WTIP: variants seen among roughly 807,000 people sequenced by gnomAD.
The protein encoded by WTIP is Wilms tumor protein 1-interacting protein.
A neutral mutation model predicts 41.7 loss-of-function variants in WTIP; 23 were observed. That is an observed-to-expected ratio of 0.55 (90% CI 0.40 to 0.78). The LOEUF is 0.78. Ranked by LOEUF, WTIP falls within the 30% of genes least tolerant of loss-of-function variation. WTIP has a pLI of 0.00. For missense variants in WTIP, 619 were observed against 610.5 expected (o/e 1.01, Z -0.15); for synonymous variants, 314 against 269.9 (o/e 1.16, Z -1.60).
chr19:34,495,555 C>T (rs1250699342), intron 6 of WTIP, 148 bp from the exon 7 acceptor site: 32 of 798,650 alleles, frequency 4.0e-5, no homozygotes, highest in South Asian at 1.5e-4. Flanking sequence ...GAGCCTGTCC[C>T]GCCCCACAGA....
Position 34,493,687 on chromosome 19 carries a change from T to C in WTIP, c.1031+65T>C, listed in dbSNP as rs1000197923. 3.8e-6 allele frequency: 6 copies of C among 1,592,624 alleles called. No individual in the cohort carries two copies. The highest frequency in any genetic ancestry group is 4.3e-6 in the Non-Finnish European group (5 of 1,167,008). On this transcript the variant is annotated intron_variant, in intron 5 of 7. Coordinates refer to ENST00000590071, the MANE Select transcript of WTIP (RefSeq NM_001080436.2). This position sits in a 1 kb window ranked among gnomAD's most constrained non-coding sequence, Gnocchi z 4.1. ...GTCCTCCCTGGCTCCTCTGGAAGCA[T>C]TTTTTTCCTGCTGGACTGACTGCCC...
rs2075772827 is a variant in WTIP at position 34,482,464 on chromosome 19, G to C, written c.490G>C (p.Ala164Pro). The change falls in exon 1 of 8, where the codon GCC (alanine) becomes CCC (proline). Residue 164 changes from alanine (A) to proline (P), a missense_variant. This residue lies in a region of WTIP where 363 missense variants were observed against 309.0 expected (regional missense o/e 1.17). Transcript: ENST00000590071. ...CTACGCTGACTTCCTCCCGCCCGGC[G>C]CCTGCCCCGCGCCCGCTCGCTCCCC... ...GAYADFLPPGACPAPARSPEP... is the reference protein window; with the variant it reads ...GAYADFLPPGPCPAPARSPEP... 13 of 1,262,428 alleles carry C rather than the reference G, an allele frequency of 1.0e-5. No individual in the cohort carries two copies. Among genetic ancestry groups the C allele is most frequent in the Admixed American group, 4.3e-5 (1 of 23,326 alleles). 78.2% of individuals were successfully genotyped at this position (1,262,428 alleles called of 1,614,324 possible).
At chr19:34,499,834 G>C (rs1187487129) in intron 7 of WTIP, among the ~76,000 whole-genome samples, 1 of 152,010 alleles carries the variant, frequency 6.6e-6, no homozygotes, top group Non-Finnish European at 1.5e-5. Flanking sequence ...CAAGGAGCTG[G>C]GATTACAGGC....
rs544931010 is a variant in WTIP, at chr19:34,493,436, C to T, written c.901-56C>T. On this transcript the variant is annotated intron_variant, in intron 4 of 7. Coordinates refer to ENST00000590071, the MANE Select transcript of WTIP (RefSeq NM_001080436.2). This position sits in a 1 kb window ranked among gnomAD's most constrained non-coding sequence, Gnocchi z 4.1. ...AGGGGTTCAGGGCCAGAGCCTCTCC[C>T]AGGGCGGTGCTGAGCCTCCTGCCCG... 7 of 1,604,348 alleles carry T rather than the reference C, an allele frequency of 4.4e-6. No homozygotes were observed. The highest frequency in any genetic ancestry group is 4.3e-6 in the Non-Finnish European group (5 of 1,175,966).
intron 2 of WTIP, among the ~76,000 whole-genome samples, chr19:34,492,401 G>C (rs1459866251): frequency 5.9e-5 from 4 of 68,032 alleles, no homozygotes; most frequent in African/African-American, 8.5e-5. Context: ...GAGGCAGGAG[G>C]ATCACTTGAG....
At chr19:34,497,440 G>A (rs897159495) in intron 7 of WTIP, among the ~76,000 whole-genome samples, 8 of 152,270 alleles carry the variant, frequency 5.3e-5, no homozygotes, top group East Asian at 1.9e-4. Context: ...CCGTTCTGGC[G>A]GGAAGCAAGG....
chr19:34,506,787 AATAAATAAATGAATAT>A lies in WTIP; in HGVS notation c.*6520_*6535del, dbSNP rs1238902553. 3.4e-5 allele frequency: 5 copies of A among 145,982 alleles called. No homozygotes were observed. The highest frequency in any genetic ancestry group is 1.2e-4 in the African/African-American group (5 of 40,712). The allele number at this position is 145,982 out of a possible 1,614,324, so 9.0% of individuals were successfully genotyped here. A position where few individuals can be genotyped will look rare whatever the true frequency, so the allele number is the denominator to read the frequency against. ...AAATAAATAAATAAATAAATAAATA[AATAAATAAATGAATAT>A]AAATAAAACTGGTTAAAAATTGAGT... On this transcript the variant is annotated 3_prime_UTR_variant, in exon 8 of 8. Coordinates refer to ENST00000590071, the MANE Select transcript of WTIP (RefSeq NM_001080436.2).
Position 34,482,073 on chromosome 19 carries a change from G to A in WTIP, c.99G>A (p.Gly33=), listed in dbSNP as rs1012345703. The part of the protein sequence containing the change: ...LEPGCGSPGR[G]RRGPRPGPGD... Reference sequence around the variant, plus strand: ...CCGGGTGCGGCTCTCCCGGTCGGGGGCGGCGGGGGCCGCGGCCTGGGCCTG... The same window carrying A: ...CCGGGTGCGGCTCTCCCGGTCGGGGACGGCGGGGGCCGCGGCCTGGGCCTG... The change falls in exon 1 of 8, where the codon GGG becomes GGA. Residue 33 remains glycine (G), a synonymous_variant. Transcript: ENST00000590071. 1.4e-5 allele frequency: 14 copies of A among 1,035,742 alleles called. No homozygotes were observed. Among genetic ancestry groups the A allele is most frequent in the Admixed American group, 1.1e-4 (2 of 17,566 alleles). 64.2% of individuals were successfully genotyped at this position (1,035,742 alleles called of 1,614,324 possible).
intron 7 of WTIP, among the ~76,000 whole-genome samples, chr19:34,497,238 G>C (rs2910417): frequency 0.13 from 19,964 of 152,048 alleles, 2,076 homozygotes; most frequent in East Asian, 0.4. Context: ...GAGACCACGG[G>C]GCTCCCCTGG....
chr19:34,495,876 G>A, intron 7 of WTIP, 105 bp downstream of exon 7: 3 of 1,175,472 alleles, frequency 2.6e-6, no homozygotes, highest in Non-Finnish European at 2.4e-6. Context: ...TTTTAGTTTT[G>A]CCAGGCTCGG....
In WTIP at chr19:34,500,333, G is replaced by A; in HGVS notation, c.*64G>A. ...GTGTGGAGGGAGGGCCCGCGTGGGT[G>A]GCCCTGGTCAGCGTCAGGGGAGCTC... On this transcript the variant is annotated 3_prime_UTR_variant, in exon 8 of 8. Coordinates refer to ENST00000590071, the MANE Select transcript of WTIP (RefSeq NM_001080436.2). The A allele has an allele frequency of 6.8e-7, 1 of 1,475,366 alleles. No individual in the cohort carries two copies. The highest frequency in any genetic ancestry group is 1.4e-5 in the South Asian group (1 of 72,592). The allele number at this position is 1,475,366 out of a possible 1,614,324, so 91.4% of individuals were successfully genotyped here. A position where few individuals can be genotyped will look rare whatever the true frequency, so the allele number is the denominator to read the frequency against.
In WTIP at chr19:34,494,643, A is replaced by G. The variant is rs2075843741; in HGVS notation, c.1083+6A>G. The G allele has an allele frequency of 3.1e-6, 5 of 1,612,958 alleles. No homozygotes were observed. Among genetic ancestry groups the G allele is most frequent in the East Asian group, 2.2e-5 (1 of 44,864 alleles). Reference sequence around the variant, plus strand: ...GTCCTATCCTCCCTGCACAGGTAGGAGCCACTCACCCAGAGATGATCAGGT... The same window carrying G: ...GTCCTATCCTCCCTGCACAGGTAGGGGCCACTCACCCAGAGATGATCAGGT... On this transcript the variant is annotated splice_donor_region_variant and intron_variant, in intron 6 of 7. Transcript: ENST00000590071.
At chr19:34,495,662 C>T (rs747291242) in intron 6 of WTIP, 41 bp from the exon 7 acceptor site, 5 of 1,610,730 alleles carry the variant, frequency 3.1e-6, no homozygotes, top group Non-Finnish European at 4.2e-6. Flanking sequence ...GCCTCCAGTC[C>T]CCACATGCTC....
In WTIP at chr19:34,509,279, G is replaced by A. The variant is rs2075924841; in HGVS notation, c.*9010G>A. ...TTTAATTGGATTTACAGTTCCACATGGCTGGGGAGGCCTCAGCCTCCCACA... is the reference window on the plus strand; with the variant it reads ...TTTAATTGGATTTACAGTTCCACATAGCTGGGGAGGCCTCAGCCTCCCACA... On this transcript the variant is annotated 3_prime_UTR_variant, in exon 8 of 8. Transcript: ENST00000590071. 1 of 140,562 alleles carries A rather than the reference G, an allele frequency of 7.1e-6. No homozygotes were observed. The highest frequency in any genetic ancestry group is 2.1e-4 in the South Asian group (1 of 4,794). The allele number at this position is 140,562 out of a possible 1,614,324, so 8.7% of individuals were successfully genotyped here.
intron 1 of WTIP, among the ~76,000 whole-genome samples, chr19:34,488,099 G>A (rs1381740662): frequency 6.6e-6 from 1 of 151,592 alleles, no homozygotes; most frequent in Non-Finnish European, 1.5e-5. Flanking sequence ...TCTTTGAGAC[G>A]GAGTCTTACT....
At chr19:34,487,587 C>A (rs897241079) in intron 1 of WTIP, among the ~76,000 whole-genome samples, 3 of 152,152 alleles carry the variant, frequency 2.0e-5, no homozygotes, top group African/African-American at 7.2e-5. Flanking sequence ...ATAGCAAGAT[C>A]AGAATGGAAA....
chr19:34,505,323 C>G lies in WTIP; in HGVS notation c.*5054C>G, dbSNP rs1219234069. Reference sequence around the variant, plus strand: ...CTCAGGAGGAGTGTGGACGCGGCTCCTCTCCTTCCACCCACTTCCCTGGCC... The same window carrying G: ...CTCAGGAGGAGTGTGGACGCGGCTCGTCTCCTTCCACCCACTTCCCTGGCC... On this transcript the variant is annotated 3_prime_UTR_variant, in exon 8 of 8. Transcript: ENST00000590071. 6.6e-6 allele frequency: 1 copy of G among 152,248 alleles called. No homozygotes were observed. The highest frequency in any genetic ancestry group is 2.4e-5 in the African/African-American group (1 of 41,420). The allele number at this position is 152,248 out of a possible 1,614,324, so 9.4% of individuals were successfully genotyped here.
Position 34,481,900 on chromosome 19 carries a change from C to T in WTIP, c.-75C>T, listed in dbSNP as rs1478135456. 1.7e-5 allele frequency: 15 copies of T among 904,882 alleles called. No homozygotes were observed. The highest frequency in any genetic ancestry group is 1.8e-5 in the Non-Finnish European group (14 of 757,994). The allele number at this position is 904,882 out of a possible 1,614,324, so 56.1% of individuals were successfully genotyped here. A position where few individuals can be genotyped will look rare whatever the true frequency, so the allele number is the denominator to read the frequency against. ...GGGCGGGCTCCGGGCTTCGGGCGGA[C>T]GATGCGGCGGCCCGGCCGGAGCGGC... On this transcript the variant is annotated 5_prime_UTR_variant, in exon 1 of 8. In the 5' UTR this introduces an upstream ATG that the reference lacks. Transcript: ENST00000590071.
In WTIP at chr19:34,500,159, G is replaced by C; in HGVS notation, c.1183G>C (p.Gly395Arg). Residue 395 changes from glycine to arginine, a missense_variant, in exon 8 of 8, where the codon GGA (glycine) becomes CGA (arginine). Gly to Arg is a moderately radical substitution (Grantham distance 125). Coordinates refer to ENST00000590071, the MANE Select transcript of WTIP (RefSeq NM_001080436.2). ...DCGLQLSGEE[G>R]RRCYPLAGHL... ...CGGGCTGCAGCTGAGCGGGGAGGAG[G>C]GACGCCGTTGCTATCCCCTGGCGGG... The C allele has an allele frequency of 6.2e-7, 1 of 1,601,320 alleles. No individual in the cohort carries two copies. The highest frequency in any genetic ancestry group is 8.5e-7 in the Non-Finnish European group (1 of 1,179,768).
Sources: allele counts gnomAD v4.1 joint callset (sites outside exome capture counted in the v4.1 genomes callset), GRCh38; gene constraint gnomAD v4.1.1; regional missense constraint gnomAD v4.1.1; non-coding constraint Gnocchi (gnomAD v3.1); transcripts MANE v1.5; gene names NCBI Gene and HGNC (gene_info 2026-07-23, HGNC 2026-07-21).